The following CTSB variants were observed in gnomAD, a reference collection of about 807,000 sequenced individuals.
The protein encoded by CTSB is cathepsin B, also known as APP secretase.
Under a neutral mutation model 44.3 loss-of-function variants are expected in CTSB, and 57 were observed. The observed-to-expected ratio is 1.29, with a 90% CI of 1.04 to 1.60. The LOEUF is 1.60. CTSB is among the 40% of genes most tolerant of loss of function. The pLI, the probability that CTSB is intolerant of heterozygous loss-of-function variation, is 0.00. For synonymous variants in CTSB, 320 were observed against 168.0 expected (o/e 1.91, Z -7.00); for missense variants, 768 against 443.0 (o/e 1.73, Z -6.59).
chr8:11,853,264 C>T, intron 2 of CTSB, 65 bp downstream of exon 2: 3 of 1,586,856 alleles, frequency 1.9e-6, no homozygotes, highest in Admixed American at 1.7e-5. Context: ...CTTCCCATTC[C>T]TGGAGTCAGT....
rs375938153 is a variant in CTSB, at chr8:11,847,057, T to G, written c.788A>C (p.Lys263Thr). ...CATCAGCCATCAGCACGCACCTGAC[T>G]TGTAGAGCAGGAAGTCCGAATACAC... ...FSVYSDFLLY[K>T]SGVYQHVTGE... Residue 263 changes from lysine to threonine, a missense_variant, in exon 8 of 10, where the codon AAG becomes ACG. By Grantham distance (78) the Lys-to-Thr change is moderately conservative. Coordinates refer to ENST00000353047, the MANE Select transcript of CTSB (RefSeq NM_001908.5). 10 of 1,499,954 alleles carry G rather than the reference T, an allele frequency of 6.7e-6. No homozygotes were observed. In the East Asian group the frequency reaches 1.2e-4, roughly 18 times the overall value. 92.9% of individuals were successfully genotyped at this position (1,499,954 alleles called of 1,614,324 possible). A position where few individuals can be genotyped will look rare whatever the true frequency, so the allele number is the denominator to read the frequency against.
At chr8:11,848,327 C>G in intron 5 of CTSB, 175 bp from the exon 6 acceptor site, 1 of 695,908 alleles carries the variant, frequency 1.4e-6, no homozygotes, top group Non-Finnish European at 2.6e-6. Flanking sequence ...TAGATAAGCA[C>G]AGCTTGCAGG....
intron 1 of CTSB, among the ~76,000 whole-genome samples, chr8:11,862,100 G>A (rs932268754): frequency 3.3e-5 from 5 of 151,714 alleles, no homozygotes; most frequent in Non-Finnish European, 7.4e-5. Context: ...CCAGCTACTC[G>A]GGAGGCTGAG....
intron 1 of CTSB, among the ~76,000 whole-genome samples, chr8:11,859,508 C>T (rs1816041304): frequency 6.6e-6 from 1 of 152,108 alleles, no homozygotes; most frequent in African/African-American, 2.4e-5. Flanking sequence ...TGCCTGTAAT[C>T]CCAGCGCTTT....
At chr8:11,853,142 C>T (rs994750390) in intron 2 of CTSB, among the ~76,000 whole-genome samples, 187 bp downstream of exon 2, 4 of 152,130 alleles carry the variant, frequency 2.6e-5, no homozygotes, top group Admixed American at 2.0e-4. Context: ...CATGCACACA[C>T]GTGGGGTATG....
chr8:11,868,002 C>T lies in CTSB; in HGVS notation c.-27G>A, dbSNP rs1468312087. ...TGGCCCCGGGTCCCCAGCACTCACC[C>T]AGCGCTGCAGCCGAGAGCCTGCAGC... On this transcript the variant is annotated splice_region_variant and 5_prime_UTR_variant, in exon 1 of 10. Transcript: ENST00000353047. The T allele has an allele frequency of 6.6e-6, 1 of 152,348 alleles. No homozygotes were observed. Among genetic ancestry groups the T allele is most frequent in the Non-Finnish European group, 1.5e-5 (1 of 68,188 alleles). 9.4% of individuals were successfully genotyped at this position (152,348 alleles called of 1,614,324 possible).
chr8:11,868,007 C>T lies in CTSB; in HGVS notation c.-32G>A, dbSNP rs1269622989. The T allele has an allele frequency of 6.6e-6, 1 of 152,246 alleles. No homozygotes were observed. The highest frequency in any genetic ancestry group is 1.5e-5 in the Non-Finnish European group (1 of 68,242). The allele number at this position is 152,246 out of a possible 1,614,324, so 9.4% of individuals were successfully genotyped here. On this transcript the variant is annotated 5_prime_UTR_variant, in exon 1 of 10. Coordinates refer to ENST00000353047, the MANE Select transcript of CTSB (RefSeq NM_001908.5). ...CCGGGTCCCCAGCACTCACCCAGCG[C>T]TGCAGCCGAGAGCCTGCAGCCCAGC... is the stretch of plus-strand genomic sequence containing the variant.
intron 8 of CTSB, among the ~76,000 whole-genome samples, chr8:11,846,786 C>T (rs543677286): frequency 1.2e-4 from 18 of 152,228 alleles, no homozygotes; most frequent in East Asian, 7.7e-4. Flanking sequence ...ATGAGCTGGA[C>T]GCTAATGGAT....
In CTSB at chr8:11,850,912, G is replaced by A. The variant is rs148117767; in HGVS notation, c.281C>T (p.Pro94Leu). Residue 94 changes from proline (P) to leucine (L), a missense_variant, in exon 4 of 10, where the codon CCC (proline) becomes CTC (leucine). Physicochemically the swap from Pro to Leu is moderately conservative, Grantham distance 98 (BLOSUM62 -3). Transcript: ENST00000353047. ...FDAREQWPQC[P>L]TIKEIRDQGS... is the part of the protein sequence containing the mutation. ...CTGGTCTCTGATCTCTTTGATGGTG[G>A]GACACTGTGGCCATTGTTCCCGTGC... The A allele has an allele frequency of 2.3e-3, 3,784 of 1,613,532 alleles. 3 individuals are homozygous for A. The highest frequency in any genetic ancestry group is 2.9e-3 in the Non-Finnish European group (3,397 of 1,179,628).
In CTSB at chr8:11,842,716, AT is replaced by A. The variant is rs1812470117; in HGVS notation, c.*2408del. On this transcript the variant is annotated 3_prime_UTR_variant, in exon 10 of 10. Transcript: ENST00000353047. Reference sequence around the variant, plus strand: ...CAATGGCGTGATCTCGGCTCACTGCATCCTCTGCCTCCCAGGTTCAAGCGAT... The same window carrying A: ...CAATGGCGTGATCTCGGCTCACTGCACCTCTGCCTCCCAGGTTCAAGCGAT... 6.6e-6 allele frequency: 1 copy of A among 151,460 alleles called. No individual in the cohort carries two copies. Among genetic ancestry groups the A allele is most frequent in the South Asian group, 2.1e-4 (1 of 4,796 alleles). 9.4% of individuals were successfully genotyped at this position (151,460 alleles called of 1,614,324 possible). A position where few individuals can be genotyped will look rare whatever the true frequency, so the allele number is the denominator to read the frequency against.
At position 11,847,075 on chromosome 8, in the gene CTSB, G is replaced by C. The variant is rs147604039; in HGVS notation, c.770C>G (p.Ser257Trp). The change falls in exon 8 of 10, where the codon TCG becomes TGG. Residue 257 changes from serine (S) to tryptophan (W), a missense_variant. Ser to Trp is a radical substitution (Grantham distance 177). Transcript: ENST00000353047. ...GPVEGAFSVYSDFLLYKSGVY... is the reference protein window; with the variant it reads ...GPVEGAFSVYWDFLLYKSGVY... ...ACCTGACTTGTAGAGCAGGAAGTCC[G>C]AATACACAGAGAAAGCTCCCTCCAC... The C allele has an allele frequency of 7.2e-5, 115 of 1,595,918 alleles. No homozygotes were observed. Among genetic ancestry groups the C allele is most frequent in the Non-Finnish European group, 9.1e-5 (106 of 1,167,576 alleles).
At chr8:11,863,873 G>C (rs1020445499) in intron 1 of CTSB, among the ~76,000 whole-genome samples, 6 of 152,174 alleles carry the variant, frequency 3.9e-5, no homozygotes, top group African/African-American at 1.4e-4. Context: ...CCAGCATCTA[G>C]CAAGATGGAA....
intron 8 of CTSB, 51 bp downstream of exon 8, chr8:11,847,001 G>A (rs1413434694): frequency 4.4e-6 from 4 of 905,486 alleles, no homozygotes; most frequent in Non-Finnish European, 5.6e-6. Flanking sequence ...CTGGCACCCA[G>A]GCTCCCCTCC....
At chr8:11,856,899 T>A (rs1361403463) in intron 1 of CTSB, among the ~76,000 whole-genome samples, 2 of 152,134 alleles carry the variant, frequency 1.3e-5, no homozygotes. Context: ...CAGTTTTGTT[T>A]CTTCTAGGAA....
At chr8:11,855,794 G>A (rs2150421877) in intron 1 of CTSB, among the ~76,000 whole-genome samples, 1 of 152,236 alleles carries the variant, frequency 6.6e-6, no homozygotes, top group East Asian at 1.9e-4. Context: ...GAGGCAGGTG[G>A]ATCGCCTGAG....
intron 3 of CTSB, 21 bp from the exon 4 acceptor site, chr8:11,851,001 A>AT (rs1563402054): frequency 6.3e-7 from 1 of 1,575,666 alleles, no homozygotes; most frequent in East Asian, 2.3e-5. Flanking sequence ...GAAGGTCTTC[A>AT]TTACAAGCTC....
At chr8:11,857,686 G>A (rs1815726598) in intron 1 of CTSB, among the ~76,000 whole-genome samples, 1 of 152,088 alleles carries the variant, frequency 6.6e-6, no homozygotes, top group African/African-American at 2.4e-5. Context: ...CACTTCACTA[G>A]CAGGCGACTT....
rs1812946943 is a variant in CTSB at position 11,844,836 on chromosome 8, T to C, written c.*289A>G. The stretch of plus-strand genomic sequence containing the variant: ...GTCTTGCTCCCTGGAGATGGATGGA[T>C]CACGGAGGGGGCCACAGTCAGCTGG... On this transcript the variant is annotated 3_prime_UTR_variant, in exon 10 of 10. Transcript: ENST00000353047. The C allele has an allele frequency of 5.2e-6, 2 of 384,136 alleles. No homozygotes were observed. The highest frequency in any genetic ancestry group is 9.6e-6 in the Non-Finnish European group (2 of 209,106). The allele number at this position is 384,136 out of a possible 1,614,324, so 23.8% of individuals were successfully genotyped here. A position where few individuals can be genotyped will look rare whatever the true frequency, so the allele number is the denominator to read the frequency against.
In CTSB at chr8:11,844,097, C is replaced by G. The variant is rs1812771211; in HGVS notation, c.*1028G>C. 6.6e-6 allele frequency: 1 copy of G among 152,176 alleles called. No homozygotes were observed. Among genetic ancestry groups the G allele is most frequent in the Non-Finnish European group, 1.5e-5 (1 of 68,038 alleles). The allele number at this position is 152,176 out of a possible 1,614,324, so 9.4% of individuals were successfully genotyped here. On this transcript the variant is annotated 3_prime_UTR_variant, in exon 10 of 10. Transcript: ENST00000353047. ...GAGTTCTTAAGCAAGGGCAAGCTTACCAGGCACTTACAGAGAAGGTTGACG... is the reference window on the plus strand; with the variant it reads ...GAGTTCTTAAGCAAGGGCAAGCTTAGCAGGCACTTACAGAGAAGGTTGACG...
Sources: allele counts gnomAD v4.1 joint callset (sites outside exome capture counted in the v4.1 genomes callset), GRCh38; gene constraint gnomAD v4.1.1; transcripts MANE v1.5; gene names NCBI Gene and HGNC (gene_info 2026-07-23, HGNC 2026-07-21).